EIF2S2: variants seen among roughly 807,000 people sequenced by gnomAD.
EIF2S2 encodes eukaryotic translation initiation factor 2 subunit 2.
A neutral mutation model predicts 44.0 loss-of-function variants in EIF2S2; 4 were observed. That is an observed-to-expected ratio of 0.09 (90% confidence interval 0.04 to 0.21). EIF2S2 has a LOEUF of 0.21. EIF2S2 is among the 10% of genes least tolerant of loss of function. The pLI, the probability that EIF2S2 is intolerant of heterozygous loss-of-function variation, is 1.00. For synonymous variants in EIF2S2, 108 were observed against 128.3 expected (o/e 0.84, Z 1.07); for missense variants, 154 against 392.0 (o/e 0.39, Z 5.13).
At chr20:34,105,212 A>T (rs1220599208) in intron 2 of EIF2S2, among the ~76,000 whole-genome samples, 156 bp downstream of exon 2, 2 of 152,240 alleles carry the variant, frequency 1.3e-5, no homozygotes, top group African/African-American at 4.8e-5. Context: ...GCCTATCAGA[A>T]ATCTAAAAAG....
intron 7 of EIF2S2, 83 bp from the exon 8 acceptor site, chr20:34,090,685 C>CT: frequency 1.3e-6 from 1 of 760,236 alleles, no homozygotes; most frequent in Non-Finnish European, 2.1e-6. Context: ...ACTTAATGAA[C>CT]TTAAAATATA....
intron 7 of EIF2S2, 110 bp downstream of exon 7, chr20:34,093,565 T>C (rs1332782748): frequency 2.1e-6 from 2 of 970,446 alleles, no homozygotes; most frequent in Admixed American, 6.0e-5. Flanking sequence ...CCTAAAAGTT[T>C]CTCTAATAAT....
In EIF2S2 at chr20:34,099,060, A is replaced by G. The variant is rs569922552; in HGVS notation, c.298-427T>C. On this transcript the variant is annotated intron_variant, in intron 3 of 8. Transcript: ENST00000374980. ...TTATAATTATTGTCCTTATTTCCAA[A>G]CCAGGCTACTGTCAGAATCACGGCA... 2.0e-5 allele frequency among the ~76,000 whole-genome samples: 3 copies of G among 152,218 alleles called. No homozygotes were observed. In the East Asian group the frequency reaches 5.8e-4, roughly 29 times the overall value.
chr20:34,090,648 A>G, intron 7 of EIF2S2, 46 bp from the exon 8 acceptor site: 1 of 1,173,044 alleles, frequency 8.5e-7, no homozygotes, highest in Non-Finnish European at 1.2e-6. Flanking sequence ...GTTTTTTCCT[A>G]AAGGAACCAA....
intron 3 of EIF2S2, among the ~76,000 whole-genome samples, chr20:34,099,774 G>A (rs575793290): frequency 2.0e-5 from 3 of 152,244 alleles, no homozygotes; most frequent in Admixed American, 6.5e-5. Flanking sequence ...ACTCAGGAAA[G>A]TACTTACTAC....
intron 1 of EIF2S2, among the ~76,000 whole-genome samples, chr20:34,106,323 A>G (rs897794602): frequency 6.6e-6 from 1 of 152,154 alleles, no homozygotes; most frequent in Non-Finnish European, 1.5e-5. Context: ...TTTAACTACA[A>G]ATCTTCAAGG....
At chr20:34,109,317 G>A (rs1219689037) in intron 1 of EIF2S2, among the ~76,000 whole-genome samples, 2 of 152,132 alleles carry the variant, frequency 1.3e-5, no homozygotes, top group African/African-American at 4.8e-5. Context: ...CAAATAGTCT[G>A]AAAATTACTG....
chr20:34,108,099 A>G (rs1257254457), intron 1 of EIF2S2: 1 of 152,208 alleles, frequency 6.6e-6, no homozygotes, highest in African/African-American at 2.4e-5. Context: ...CCATCCATTT[A>G]TTGCATTTTT....
chr20:34,108,588 G>C (rs192910558), intron 1 of EIF2S2, among the ~76,000 whole-genome samples: 1 of 152,288 alleles, frequency 6.6e-6, no homozygotes, highest in East Asian at 1.9e-4. Context: ...GCAAATAGCT[G>C]TTGACAGTGC....
intron 1 of EIF2S2, among the ~76,000 whole-genome samples, chr20:34,109,691 A>C (rs979810812): frequency 2.6e-5 from 4 of 152,084 alleles, no homozygotes; most frequent in Admixed American, 2.6e-4. Flanking sequence ...AACAAACAAA[A>C]AAAATCATAG....
At chr20:34,091,579 G>A (rs1403579878) in intron 7 of EIF2S2, among the ~76,000 whole-genome samples, 5 of 151,832 alleles carry the variant, frequency 3.3e-5, no homozygotes, top group East Asian at 1.9e-4. Context: ...TTAGCCAGGC[G>A]TGGTGGTGGG....
intron 4 of EIF2S2, among the ~76,000 whole-genome samples, chr20:34,097,744 G>A (rs576439981): frequency 1.3e-5 from 2 of 152,202 alleles, no homozygotes; most frequent in Non-Finnish European, 2.9e-5. Context: ...CTAATTAGGA[G>A]TTGATAACAT....
chr20:34,102,979 C>G (rs184820048), intron 3 of EIF2S2, among the ~76,000 whole-genome samples: 182 of 152,294 alleles, frequency 1.2e-3, no homozygotes, highest in Middle Eastern at 3.4e-3. Context: ...TCCACAAGAT[C>G]AGAGAACTCC....
At chr20:34,111,825 T>C (rs966732226) in intron 1 of EIF2S2, among the ~76,000 whole-genome samples, 5 of 152,200 alleles carry the variant, frequency 3.3e-5, no homozygotes, top group African/African-American at 1.2e-4. Context: ...TCGAGCCCCT[T>C]CCGGGAGGAC....
chr20:34,094,208 T>G (rs1346081724), intron 6 of EIF2S2, among the ~76,000 whole-genome samples: 1 of 152,202 alleles, frequency 6.6e-6, no homozygotes, highest in East Asian at 1.9e-4. Context: ...TACACTTCAA[T>G]GCCCATAAGA....
intron 6 of EIF2S2, among the ~76,000 whole-genome samples, chr20:34,096,421 C>T (rs952545847): frequency 2.0e-5 from 3 of 152,164 alleles, no homozygotes; most frequent in Non-Finnish European, 1.5e-5. Flanking sequence ...GCCATGACCA[C>T]TCCACTGCAT....
intron 7 of EIF2S2, among the ~76,000 whole-genome samples, chr20:34,092,123 A>G (rs2122391693): frequency 6.6e-6 from 1 of 152,302 alleles, no homozygotes; most frequent in African/African-American, 2.4e-5. Context: ...ACAGATTGTA[A>G]CCCTTAATCT....
chr20:34,105,697 A>C, intron 1 of EIF2S2, 152 bp from the exon 2 acceptor site: 1 of 692,754 alleles, frequency 1.4e-6, no homozygotes, highest in Non-Finnish European at 2.2e-6. Context: ...AATAAAATAA[A>C]TTGTCCACCC....
At chr20:34,103,352 CTAA>C (rs2034314490) in intron 3 of EIF2S2, 107 bp downstream of exon 3, 1 of 1,393,610 alleles carries the variant, frequency 7.2e-7, no homozygotes, top group Non-Finnish European at 9.5e-7. Context: ...CAATTAAGTG[CTAA>C]TAACAAAAGC....
Sources: allele counts gnomAD v4.1 joint callset (sites outside exome capture counted in the v4.1 genomes callset), GRCh38; gene constraint gnomAD v4.1.1; transcripts MANE v1.5; gene names NCBI Gene and HGNC (gene_info 2026-07-23, HGNC 2026-07-21).